The following NRXN3 variants were observed in gnomAD, a reference collection of about 807,000 sequenced individuals.
NRXN3 encodes the protein neurexin 3.
A neutral mutation model predicts 137.6 loss-of-function variants in NRXN3; 32 were observed. That is an observed-to-expected ratio of 0.23 (90% confidence interval 0.18 to 0.31). The LOEUF (loss-of-function observed/expected upper bound fraction) is 0.31. NRXN3 is among the 10% of genes least tolerant of loss of function. The pLI is 1.00. For missense variants in NRXN3, 1,574 were observed against 2,062.5 expected, an observed-to-expected ratio of 0.76 and a Z score of 4.59; for synonymous variants, 798 against 784.5, an observed-to-expected ratio of 1.02 and a Z score of -0.29.
chr14:78,496,347 TGA>T (rs1649957932), intron 4 of NRXN3, among the ~76,000 whole-genome samples: 1 of 152,200 alleles, frequency 6.6e-6, no homozygotes, highest in Non-Finnish European at 1.5e-5. Flanking sequence ...ATGTTTTATT[TGA>T]GTTTTCTTCC....
intron 6 of NRXN3, among the ~76,000 whole-genome samples, chr14:78,657,433 G>A (rs752332230): frequency 6.6e-6 from 1 of 152,192 alleles, no homozygotes; most frequent in Non-Finnish European, 1.5e-5. Context: ...AAGTGGAGAA[G>A]CGAAAGTGCC....
intron 15 of NRXN3, among the ~76,000 whole-genome samples, chr14:79,126,206 G>C (rs553263203): frequency 2.6e-5 from 4 of 151,474 alleles, no homozygotes; most frequent in African/African-American, 9.7e-5. Flanking sequence ...TTAAGTTTTA[G>C]GGTACATGTG....
intron 8 of NRXN3, among the ~76,000 whole-genome samples, chr14:78,801,742 G>T (rs2098839654): frequency 6.6e-6 from 1 of 152,146 alleles, no homozygotes; most frequent in African/African-American, 2.4e-5. Context: ...TGTCTATAGA[G>T]ATACTACCTG....
chr14:79,545,726 A>G (rs2097313162), intron 16 of NRXN3, among the ~76,000 whole-genome samples: 1 of 151,680 alleles, frequency 6.6e-6, no homozygotes, highest in Non-Finnish European at 1.5e-5. Flanking sequence ...GAAAAATGTA[A>G]TATATAGCCT....
intron 19 of NRXN3, among the ~76,000 whole-genome samples, chr14:79,781,518 T>C (rs1433754544): frequency 1.3e-5 from 2 of 152,234 alleles, no homozygotes; most frequent in Non-Finnish European, 2.9e-5. Context: ...ATTCGTATCA[T>C]GTTCTATTTT....
intron 15 of NRXN3, among the ~76,000 whole-genome samples, chr14:79,465,852 C>T (rs1026223354): frequency 6.6e-5 from 10 of 152,186 alleles, no homozygotes; most frequent in South Asian, 2.1e-4. Flanking sequence ...TGGAAGTATT[C>T]GCTATGGGTA....
At chr14:78,778,751 CTTCTTTCTCTTTCTTTCT>C (rs2098755451) in intron 8 of NRXN3, among the ~76,000 whole-genome samples, 2 of 68,878 alleles carry the variant, frequency 2.9e-5, no homozygotes, top group South Asian at 4.3e-4. Context: ...TCTTTCTTTC[CTTCTTTCTCTTTCTTTCT>C]TTCTTTCTTT....
intron 2 of NRXN3, among the ~76,000 whole-genome samples, chr14:78,274,427 A>G (rs2073273232): frequency 6.6e-6 from 1 of 152,202 alleles, no homozygotes; most frequent in African/African-American, 2.4e-5. Context: ...GAACTTATTC[A>G]CTACCACAAG....
intron 15 of NRXN3, among the ~76,000 whole-genome samples, chr14:79,181,189 C>CCAAGTCATGTTT (rs1189340171): frequency 6.6e-6 from 1 of 151,864 alleles, no homozygotes; most frequent in African/African-American, 2.4e-5. Flanking sequence ...TCTGAGATTC[C>CCAAGTCATGTTT]ACTTTGACCT....
chr14:79,774,414 T>G (rs1410264232), intron 19 of NRXN3, among the ~76,000 whole-genome samples: 1 of 152,150 alleles, frequency 6.6e-6, no homozygotes, highest in Non-Finnish European at 1.5e-5. Flanking sequence ...ATTACTTCCC[T>G]CTCATTTCTA....
intron 15 of NRXN3, among the ~76,000 whole-genome samples, chr14:79,351,021 ACACATAG>A (rs2093180696): frequency 1.3e-5 from 2 of 152,334 alleles, no homozygotes; most frequent in South Asian, 4.1e-4. Context: ...TTCCCCAGAG[ACACATAG>A]CAGTATATGC....
At chr14:78,610,068 A>G (rs930002395) in intron 4 of NRXN3, among the ~76,000 whole-genome samples, 21 of 152,008 alleles carry the variant, frequency 1.4e-4, no homozygotes, top group African/African-American at 4.3e-4. Flanking sequence ...AGAGAGAAAG[A>G]AAGTGACAAA....
rs1039058679 is a variant in NRXN3, at chr14:79,556,285, G to A, written c.3444+88883G>A. On this transcript the variant is annotated intron_variant, in intron 16 of 20. Transcript: ENST00000335750. ...GTATTATTCTCTGAGAGGTAAGCACGGACAAGTATAATTCCATTTTTATGT... is the reference window on the plus strand; with the variant it reads ...GTATTATTCTCTGAGAGGTAAGCACAGACAAGTATAATTCCATTTTTATGT... Among the ~76,000 whole-genome samples, 17 of 152,136 alleles carry A rather than the reference G, an allele frequency of 1.1e-4. No homozygotes were observed. In the East Asian group the frequency reaches 1.7e-3, roughly 16 times the overall value.
chr14:79,048,844 G>A (rs545132999), intron 15 of NRXN3, among the ~76,000 whole-genome samples: 10 of 149,018 alleles, frequency 6.7e-5, no homozygotes, highest in African/African-American at 2.2e-4. Flanking sequence ...CTAACACGGT[G>A]AAACCCCGTC....
intron 19 of NRXN3, among the ~76,000 whole-genome samples, chr14:79,760,352 G>A (rs1226962361): frequency 1.3e-5 from 2 of 150,406 alleles, no homozygotes; most frequent in Admixed American, 1.3e-4. Context: ...TATATTCCCT[G>A]AGATTTAAAA....
chr14:78,337,259 G>A (rs1197350117), intron 4 of NRXN3, among the ~76,000 whole-genome samples: 3 of 152,108 alleles, frequency 2.0e-5, no homozygotes, highest in Admixed American at 1.3e-4. Context: ...ACTGTACAGA[G>A]GGAATTACAT....
At chr14:78,614,868 T>C (rs2097332138) in intron 4 of NRXN3, 1 of 448,358 alleles carries the variant, frequency 2.2e-6, no homozygotes, top group African/African-American at 2.0e-5. Context: ...ACTATAGTGG[T>C]AATAGACTAG....
chr14:78,346,048 A>T (rs1173028875), intron 4 of NRXN3, among the ~76,000 whole-genome samples: 1 of 152,140 alleles, frequency 6.6e-6, no homozygotes, highest in Non-Finnish European at 1.5e-5. Context: ...GATGCTCAGG[A>T]GAGGGAAAGG....
intron 15 of NRXN3, among the ~76,000 whole-genome samples, chr14:79,421,644 CT>C (rs2095577065): frequency 6.6e-6 from 1 of 152,100 alleles, no homozygotes; most frequent in Non-Finnish European, 1.5e-5. Context: ...CGTTGTCTAG[CT>C]TTTAATATTA....
Sources: allele counts gnomAD v4.1 joint callset (sites outside exome capture counted in the v4.1 genomes callset), GRCh38; gene constraint gnomAD v4.1.1; transcripts MANE v1.5; gene names NCBI Gene and HGNC (gene_info 2026-07-23, HGNC 2026-07-21).